The following RAP1A variants were observed in gnomAD, a reference collection of about 807,000 sequenced individuals.
RAP1A encodes ras-related protein Rap-1A.
A neutral mutation model predicts 26.4 loss-of-function variants in RAP1A; 6 were observed. The ratio of observed to expected loss-of-function variants is 0.23; its 90% CI spans 0.12 to 0.45. The LOEUF (loss-of-function observed/expected upper bound fraction) is 0.45, where lower values mean the gene tolerates loss of function less well. Ranked by LOEUF, RAP1A falls within the 20% of genes least tolerant of loss-of-function variation. The pLI, the probability that RAP1A is intolerant of heterozygous loss-of-function variation, is 0.99. For missense variants in RAP1A, 121 were observed against 217.2 expected (o/e 0.56, Z 2.78); for synonymous variants, 73 against 79.4 (o/e 0.92, Z 0.43).
At position 111,713,295 on chromosome 1, in the gene RAP1A, T is replaced by A. The variant is rs943137160; in HGVS notation, c.*894T>A. 2 of 152,208 alleles carry A rather than the reference T, an allele frequency of 1.3e-5. No individual in the cohort carries two copies. Among genetic ancestry groups the A allele is most frequent in the East Asian group, 3.8e-4 (2 of 5,208 alleles). 9.4% of individuals were successfully genotyped at this position (152,208 alleles called of 1,614,324 possible). A position where few individuals can be genotyped will look rare whatever the true frequency, so the allele number is the denominator to read the frequency against. ...GACCTCGCACTTTCTGTTCTAAATATATTTATTCCTACTATACAGTAAAAT... is the reference window on the plus strand; with the variant it reads ...GACCTCGCACTTTCTGTTCTAAATAAATTTATTCCTACTATACAGTAAAAT... On this transcript the variant is annotated 3_prime_UTR_variant, in exon 8 of 8. Transcript: ENST00000369709.
chr1:111,687,425 C>T (rs1661519836), intron 1 of RAP1A, among the ~76,000 whole-genome samples: 1 of 152,114 alleles, frequency 6.6e-6, no homozygotes, highest in Non-Finnish European at 1.5e-5. Flanking sequence ...CCATGCTGGT[C>T]TCCGACTCCT....
In RAP1A at chr1:111,585,185, A is replaced by C. The variant is rs181625938; in HGVS notation, c.-28+42676A>C. Among the ~76,000 whole-genome samples, 142 of 152,334 alleles carry C rather than the reference A, an allele frequency of 9.3e-4. 1 individual carries two copies. The highest frequency in any genetic ancestry group is 4.3e-3 in the Admixed American group (66 of 15,304). On this transcript the variant is annotated intron_variant, in intron 1 of 7. Coordinates refer to the RAP1A transcript ENST00000356415. ...GTCTGGACACCTGCATTCCTCAACTATCCTAGCTCCAGGGGAGGACTAACA... is the reference window on the plus strand; with the variant it reads ...GTCTGGACACCTGCATTCCTCAACTCTCCTAGCTCCAGGGGAGGACTAACA...
At chr1:111,690,935 A>G (rs929127264) in intron 1 of RAP1A, among the ~76,000 whole-genome samples, 2 of 152,250 alleles carry the variant, frequency 1.3e-5, no homozygotes, top group Non-Finnish European at 2.9e-5. Flanking sequence ...AACAAATAAA[A>G]TAGCATGTAC....
chr1:111,679,960 C>A (rs973382563), intron 1 of RAP1A, among the ~76,000 whole-genome samples: 1 of 152,228 alleles, frequency 6.6e-6, no homozygotes, highest in Non-Finnish European at 1.5e-5. Context: ...GCTGTGCACA[C>A]AGCTTCAGCA....
At chr1:111,607,310 A>C (rs1351717123) in intron 1 of RAP1A, among the ~76,000 whole-genome samples, 1 of 152,134 alleles carries the variant, frequency 6.6e-6, no homozygotes, top group Non-Finnish European at 1.5e-5. Context: ...TGGACACAGC[A>C]CATGATTCAG....
chr1:111,583,130 A>T (rs1042491843), intron 1 of RAP1A, among the ~76,000 whole-genome samples: 13 of 152,006 alleles, frequency 8.6e-5, no homozygotes, highest in Non-Finnish European at 4.4e-5. Context: ...TCACCACTGA[A>T]CCTCTAAACA....
intron 1 of RAP1A, among the ~76,000 whole-genome samples, chr1:111,640,823 G>A (rs1266847332): frequency 1.3e-5 from 2 of 152,082 alleles, no homozygotes; most frequent in African/African-American, 2.4e-5. Context: ...AATTAGCAGG[G>A]TGTGGTGGTG....
At chr1:111,617,242 G>A (rs1659031136), upstream of RAP1A, among the ~76,000 whole-genome samples, 1 of 152,188 alleles carries the variant, frequency 6.6e-6, no homozygotes, top group African/African-American at 2.4e-5. Context: ...GCCTGAGCGT[G>A]CCACAACCAA....
chr1:111,592,578 T>G (rs1466832071), intron 1 of RAP1A, among the ~76,000 whole-genome samples: 1 of 152,192 alleles, frequency 6.6e-6, no homozygotes, highest in Non-Finnish European at 1.5e-5. Flanking sequence ...ACAGTTTGGG[T>G]GTGGTTGCTC....
chr1:111,599,788 T>TC (rs1658634950), intron 1 of RAP1A: 1 of 152,186 alleles, frequency 6.6e-6, no homozygotes, highest in African/African-American at 2.4e-5. Flanking sequence ...CCCCCAAGTC[T>TC]CATGTTGAAA....
At chr1:111,564,790 G>C (rs1310479124) in intron 1 of RAP1A, among the ~76,000 whole-genome samples, 1 of 151,282 alleles carries the variant, frequency 6.6e-6, no homozygotes, top group East Asian at 2.0e-4. Flanking sequence ...AGGATTACAG[G>C]CGTGAGCCAC....
At chr1:111,673,735 A>G (rs1156925987) in intron 1 of RAP1A, among the ~76,000 whole-genome samples, 1 of 152,220 alleles carries the variant, frequency 6.6e-6, no homozygotes, top group African/African-American at 2.4e-5. Context: ...TTGGAAGAAC[A>G]TAGAGGTTTT....
chr1:111,561,228 A>T (rs541412649), intron 1 of RAP1A, among the ~76,000 whole-genome samples: 2 of 152,096 alleles, frequency 1.3e-5, no homozygotes, highest in South Asian at 4.1e-4. Flanking sequence ...GGCTTAGATG[A>T]TCCTCCCACT....
intron 1 of RAP1A, among the ~76,000 whole-genome samples, chr1:111,685,585 C>T (rs563346171): frequency 1.2e-4 from 18 of 152,244 alleles, no homozygotes; most frequent in Non-Finnish European, 2.4e-4. Flanking sequence ...TACCATCTCA[C>T]GCCAGTTAGA....
intron 1 of RAP1A, among the ~76,000 whole-genome samples, chr1:111,591,628 T>A (rs945281816): frequency 3.3e-5 from 5 of 152,212 alleles, no homozygotes; most frequent in Non-Finnish European, 7.3e-5. Context: ...GCGCATGATG[T>A]TATTAAAGCT....
intron 1 of RAP1A, among the ~76,000 whole-genome samples, chr1:111,546,186 T>G (rs995611126): frequency 1.3e-5 from 2 of 152,210 alleles, no homozygotes; most frequent in Non-Finnish European, 2.9e-5. Flanking sequence ...TTATAAGTTT[T>G]ACATTAAAAC....
chr1:111,570,972 A>G (rs971642952), intron 1 of RAP1A, among the ~76,000 whole-genome samples: 21 of 152,176 alleles, frequency 1.4e-4, no homozygotes, highest in African/African-American at 4.1e-4. Flanking sequence ...AATTCAATTC[A>G]ATTCTGACAC....
rs1175503917 is a variant in RAP1A at position 111,675,484 on chromosome 1, C to CA, written c.-27-15842dup. Among the ~76,000 whole-genome samples the CA allele has an allele frequency of 5.2e-5, 6 of 116,316 alleles. No individual in the cohort carries two copies. In the East Asian group the frequency reaches 1.1e-3, roughly 21 times the overall value. The allele number at this position is 116,316 out of a possible 152,430, so 76.3% of individuals were successfully genotyped here. A position where few individuals can be genotyped will look rare whatever the true frequency, so the allele number is the denominator to read the frequency against. ...GAGACTCTGTCTAAAAAAAACAAAA[C>CA]AAAAAAAACAGCCTGGAGTCTCCTC... On this transcript the variant is annotated intron_variant, in intron 1 of 7. Coordinates refer to ENST00000369709, the MANE Select transcript of RAP1A (RefSeq NM_002884.4).
chr1:111,590,187 A>G (rs190951070), intron 1 of RAP1A, among the ~76,000 whole-genome samples: 196 of 152,236 alleles, frequency 1.3e-3, no homozygotes, highest in South Asian at 1.2e-3. Context: ...ATTGTCTTCA[A>G]TTTTCTATGT....
Sources: gnomAD v4.1 joint callset for allele counts (sites outside exome capture counted in the v4.1 genomes callset) on GRCh38, gnomAD v4.1.1 for gene constraint, MANE v1.5 for transcripts, NCBI Gene and HGNC (gene_info 2026-07-23, HGNC 2026-07-21) for gene names.